Variants in CTDSPL2 observed in about 807,000 individuals in gnomAD.
The protein encoded by CTDSPL2 is CTD small phosphatase like 2.
In CTDSPL2, 5 loss-of-function variants were observed where a neutral mutation model predicts 60.0. That is an observed-to-expected ratio of 0.08 (90% confidence interval 0.04 to 0.18). The LOEUF (loss-of-function observed/expected upper bound fraction) is 0.18, where lower values mean the gene tolerates loss of function less well. Ranked by LOEUF, CTDSPL2 falls within the 10% of genes least tolerant of loss-of-function variation. CTDSPL2 has a pLI of 1.00. For synonymous variants in CTDSPL2, 186 were observed against 189.3 expected (o/e 0.98, Z 0.14); for missense variants, 370 against 548.8 (o/e 0.67, Z 3.26).
chr15:44,466,009 A>T (rs1341034736), intron 2 of CTDSPL2, among the ~76,000 whole-genome samples: 2 of 150,322 alleles, frequency 1.3e-5, no homozygotes, highest in Non-Finnish European at 3.0e-5. Flanking sequence ...ATGTTGGCTC[A>T]CTGCAACCTC....
intron 12 of CTDSPL2, among the ~76,000 whole-genome samples, chr15:44,522,657 G>T (rs1465093600): frequency 6.6e-6 from 1 of 152,132 alleles, no homozygotes; most frequent in African/African-American, 2.4e-5. Context: ...AGAGGCTGAG[G>T]TAGGAGAATC....
intron 2 of CTDSPL2, among the ~76,000 whole-genome samples, chr15:44,476,570 A>G (rs780687291): frequency 3.3e-5 from 5 of 152,184 alleles, no homozygotes; most frequent in Admixed American, 6.5e-5. Flanking sequence ...TTATGGTCCA[A>G]TAAGGTTATA....
chr15:44,497,156 AGAGG>A lies in CTDSPL2; in HGVS notation c.882+19_882+22del. 2 of 1,355,268 alleles carry A rather than the reference AGAGG, an allele frequency of 1.5e-6. No homozygotes were observed. Among genetic ancestry groups the A allele is most frequent in the Non-Finnish European group, 1.0e-6 (1 of 964,800 alleles). The allele number at this position is 1,355,268 out of a possible 1,614,324, so 84.0% of individuals were successfully genotyped here. ...TAGACTTGGTAAGTATATTATCTGT[AGAGG>A]TAGAGAGAATAAAGGGGTGAAATTC... On this transcript the variant is annotated intron_variant, in intron 7 of 12. Coordinates refer to ENST00000260327, the MANE Select transcript of CTDSPL2 (RefSeq NM_016396.3).
chr15:44,429,548 T>A, intron 1 of CTDSPL2, among the ~76,000 whole-genome samples: 1 of 152,234 alleles, frequency 6.6e-6, no homozygotes. Context: ...ACTTGCACTC[T>A]TTTAATGCTT....
At chr15:44,508,376 T>C (rs540665752) in intron 8 of CTDSPL2, among the ~76,000 whole-genome samples, 12 of 152,196 alleles carry the variant, frequency 7.9e-5, no homozygotes, top group Non-Finnish European at 1.6e-4. Context: ...ATTATAGACA[T>C]TGAGCCACCA....
intron 3 of CTDSPL2, among the ~76,000 whole-genome samples, chr15:44,485,912 TGAG>T (rs974370197): frequency 9.2e-5 from 14 of 152,094 alleles, no homozygotes; most frequent in Non-Finnish European, 1.6e-4. Context: ...CATCAAAAGT[TGAG>T]GAGAATCAAA....
At chr15:44,485,719 G>C (rs1001517668) in intron 3 of CTDSPL2, among the ~76,000 whole-genome samples, 8 of 152,142 alleles carry the variant, frequency 5.3e-5, no homozygotes, top group African/African-American at 1.9e-4. Context: ...CTGTTTTAAC[G>C]AATGCTATCT....
Position 44,514,602 on chromosome 15 carries a change from A to T in CTDSPL2, c.974A>T (p.Tyr325Phe), listed in dbSNP as rs1372255165. 1.3e-6 allele frequency: 2 copies of T among 1,593,710 alleles called. No individual in the cohort carries two copies. The highest frequency in any genetic ancestry group is 1.7e-6 in the Non-Finnish European group (2 of 1,161,734). The change falls in exon 9 of 13, where the codon TAT becomes TTT. Residue 325 changes from tyrosine (Y) to phenylalanine (F), a missense_variant. By Grantham distance (22) the Tyr-to-Phe change is conservative (BLOSUM62 3). Around this residue, in one of 6 missense-constraint regions of CTDSPL2, gnomAD observed 21 missense variants for 42.1 expected, o/e 0.50. Transcript: ENST00000260327. ...VLFQDVIYQV[Y>F]VRLRPFFREF... Reference sequence around the variant, plus strand: ...CTTATCTTTGTATTTCCTTAGGTTTATGTGAGATTAAGACCATTTTTCAGG... The same window carrying T: ...CTTATCTTTGTATTTCCTTAGGTTTTTGTGAGATTAAGACCATTTTTCAGG...
At chr15:44,437,900 T>C (rs2080008284) in intron 1 of CTDSPL2, among the ~76,000 whole-genome samples, 1 of 152,132 alleles carries the variant, frequency 6.6e-6, no homozygotes, top group Non-Finnish European at 1.5e-5. Context: ...ATTGAAAGAA[T>C]GAGGTAAAAA....
chr15:44,475,811 A>G (rs1417034488), intron 2 of CTDSPL2, among the ~76,000 whole-genome samples: 1 of 152,184 alleles, frequency 6.6e-6, no homozygotes, highest in Non-Finnish European at 1.5e-5. Flanking sequence ...AATATGTCTC[A>G]TCTATTTAAG....
intron 1 of CTDSPL2, among the ~76,000 whole-genome samples, chr15:44,431,205 C>T (rs960802377): frequency 1.3e-5 from 2 of 151,690 alleles, no homozygotes; most frequent in South Asian, 4.2e-4. Flanking sequence ...AAGTGATTCT[C>T]CCTCCTTAAG....
Position 44,525,758 on chromosome 15 carries a change from G to A in CTDSPL2, c.*1584G>A, listed in dbSNP as rs568765155. 4.0e-5 allele frequency: 12 copies of A among 303,106 alleles called. No individual in the cohort carries two copies. The East Asian group carries it at 5.3e-4, about 13-fold the overall frequency. The allele number at this position is 303,106 out of a possible 1,614,324, so 18.8% of individuals were successfully genotyped here. ...CTTTTTAGGAAAACATTTAATTTTT[G>A]TATTTTTGATTTTAAAGGCATGAGT... is the stretch of plus-strand genomic sequence containing the variant. On this transcript the variant is annotated 3_prime_UTR_variant, in exon 13 of 13. Transcript: ENST00000260327.
chr15:44,494,104 A>G (rs1282252887), intron 5 of CTDSPL2, among the ~76,000 whole-genome samples: 1 of 152,144 alleles, frequency 6.6e-6, no homozygotes, highest in Non-Finnish European at 1.5e-5. Context: ...TTAAATTTTT[A>G]TATCTGAGAC....
rs1318602386 is a variant in CTDSPL2 at position 44,527,055 on chromosome 15, C to T, written c.*2881C>T. ...TCATCAGATTTATATCACCATATTT[C>T]TCCTTGTGTCCTAAGAGAATTGATG... On this transcript the variant is annotated 3_prime_UTR_variant, in exon 13 of 13. Transcript: ENST00000260327. 6.6e-6 allele frequency: 1 copy of T among 152,510 alleles called. No individual in the cohort carries two copies. The highest frequency in any genetic ancestry group is 1.9e-4 in the East Asian group (1 of 5,198). 9.4% of individuals were successfully genotyped at this position (152,510 alleles called of 1,614,324 possible).
intron 2 of CTDSPL2, among the ~76,000 whole-genome samples, chr15:44,472,306 G>C (rs1454968049): frequency 6.6e-6 from 1 of 152,160 alleles, no homozygotes; most frequent in East Asian, 1.9e-4. Flanking sequence ...AGTTCCACTA[G>C]CAAAATATGA....
chr15:44,520,733 C>T (rs927811672), intron 11 of CTDSPL2: 1 of 152,138 alleles, frequency 6.6e-6, no homozygotes, highest in Non-Finnish European at 1.5e-5. Context: ...AATTTTAAAA[C>T]ATTTTATCCC....
intron 2 of CTDSPL2, among the ~76,000 whole-genome samples, chr15:44,471,343 T>C (rs1321656704): frequency 6.6e-6 from 1 of 152,224 alleles, no homozygotes; most frequent in Non-Finnish European, 1.5e-5. Context: ...CTTAACTTCT[T>C]TGTAGCAGCT....
At chr15:44,443,702 A>G (rs760450183) in intron 1 of CTDSPL2, among the ~76,000 whole-genome samples, 3 of 152,098 alleles carry the variant, frequency 2.0e-5, no homozygotes, top group Non-Finnish European at 2.9e-5. Flanking sequence ...CTTATTGTCT[A>G]TTTGTATATC....
intron 2 of CTDSPL2, 46 bp downstream of exon 2, chr15:44,459,246 G>T (rs748415847): frequency 4.9e-6 from 7 of 1,437,448 alleles, no homozygotes; most frequent in Non-Finnish European, 6.6e-6. Context: ...AGTGAAAATT[G>T]GCCGGGCACG....
Sources: gnomAD v4.1 joint callset for allele counts (sites outside exome capture counted in the v4.1 genomes callset) on GRCh38, gnomAD v4.1.1 for gene constraint, gnomAD v4.1.1 regional missense constraint, MANE v1.5 for transcripts, NCBI Gene and HGNC (gene_info 2026-07-23, HGNC 2026-07-21) for gene names.